Variants in DSP observed in about 807,000 individuals in gnomAD.
The protein encoded by DSP is desmoplakin.
DSP carries 114 observed loss-of-function variants against 290.6 expected under a neutral mutation model. The observed-to-expected ratio is 0.39, with a 90% CI of 0.34 to 0.46. The LOEUF (loss-of-function observed/expected upper bound fraction) is 0.46. DSP is among the 20% of genes least tolerant of loss of function. The pLI, the probability that DSP is intolerant of heterozygous loss-of-function variation, is 0.99. For missense variants in DSP, 3,230 were observed against 3,495.8 expected, an observed-to-expected ratio of 0.92 and a Z score of 1.92; for synonymous variants, 1,311 against 1,316.4, an observed-to-expected ratio of 1.00 and a Z score of 0.09.
Position 7,569,221 on chromosome 6 carries a change from G to A in DSP, c.1455G>A (p.Lys485=), listed in dbSNP as rs1347366138. ...ATAAGGGGGATGAGTGTATCCTGAA[G>A]GACAACAACGAGCGCAGCAAGTGGT... ...IVHKGDECIL[K]DNNERSKWYV... is the part of the protein sequence containing the mutation. Residue 485 remains lysine, a synonymous_variant, in exon 12 of 24, where the codon AAG becomes AAA. Transcript: ENST00000379802. 2.5e-6 allele frequency: 4 copies of A among 1,614,092 alleles called. No homozygotes were observed.
rs777102300 is a variant in DSP, at chr6:7,580,862, C to T, written c.4672C>T (p.Arg1558Trp). ...GACTGTGAAGGACCAGGATATCACG[C>T]GGTTCCAGAACTCTCTGAAAGAGCT... is the stretch of plus-strand genomic sequence containing the variant. ...ERTVKDQDIT[R>W]FQNSLKELQL... Residue 1558 changes from arginine (R) to tryptophan (W), a missense_variant, in exon 23 of 24, where the codon CGG (arginine) becomes TGG (tryptophan). Around this residue, in one of 5 missense-constraint regions of DSP, gnomAD observed 1,714 missense variants for 1,844.5 expected, o/e 0.93. Transcript: ENST00000379802. The surrounding 1 kb of genome is among the most constrained non-coding windows in gnomAD (Gnocchi z 4.2). The T allele has an allele frequency of 5.0e-6, 8 of 1,614,096 alleles. No individual in the cohort carries two copies. Among genetic ancestry groups the T allele is most frequent in the Non-Finnish European group, 6.8e-6 (8 of 1,180,044 alleles).
intron 1 of DSP, among the ~76,000 whole-genome samples, chr6:7,548,359 A>C (rs1486234115): frequency 6.6e-6 from 1 of 152,138 alleles, no homozygotes; most frequent in East Asian, 1.9e-4. Context: ...CCGCCTCTGC[A>C]GTGCCCCTCT....
Position 7,567,351 on chromosome 6 carries a change from C to T in DSP, c.1045-3C>T, listed in dbSNP as rs765077011. On this transcript the variant is annotated splice_polypyrimidine_tract_variant and splice_region_variant and intron_variant, in intron 8 of 23. Transcript: ENST00000379802. The stretch of plus-strand genomic sequence containing the variant: ...TAAGACAGCTGACATTTTCTTGTTT[C>T]AGGCCTATATGGACACTCTGCAGAC... The T allele has an allele frequency of 2.5e-6, 4 of 1,613,448 alleles. No individual in the cohort carries two copies. The highest frequency in any genetic ancestry group is 3.4e-6 in the Non-Finnish European group (4 of 1,179,504).
At chr6:7,573,509 T>C (rs1372956662) in intron 15 of DSP, among the ~76,000 whole-genome samples, 2 of 150,564 alleles carry the variant, frequency 1.3e-5, no homozygotes, top group East Asian at 3.9e-4. Flanking sequence ...ACCCAGGAGA[T>C]GGAGGTTGCA....
At chr6:7,569,486 C>T (rs1263812555) in intron 12 of DSP, 146 bp downstream of exon 12, 3 of 1,200,284 alleles carry the variant, frequency 2.5e-6, no homozygotes, top group African/African-American at 1.5e-5. Context: ...GTGAAGGTCA[C>T]CTTCACTTTG....
At chr6:7,554,125 A>ACACACACACACAC (rs772041102) in intron 1 of DSP, among the ~76,000 whole-genome samples, 2 of 144,400 alleles carry the variant, frequency 1.4e-5, no homozygotes, top group Non-Finnish European at 1.5e-5. Flanking sequence ...ACACACACAC[A>ACACACACACACAC]CCCAGTTGGT....
chr6:7,582,141 TG>T lies in DSP; in HGVS notation c.5380-500del, dbSNP rs1561700437. Among the ~76,000 whole-genome samples the T allele has an allele frequency of 2.1e-4, 3 of 14,232 alleles. No individual in the cohort carries two copies. The highest frequency in any genetic ancestry group is 3.6e-4 in the Non-Finnish European group (3 of 8,438). 9.3% of individuals were successfully genotyped at this position (14,232 alleles called of 152,430 possible). On this transcript the variant is annotated intron_variant, in intron 23 of 23. Coordinates refer to ENST00000379802, the MANE Select transcript of DSP (RefSeq NM_004415.4). This position sits in a 1 kb window ranked among gnomAD's most constrained non-coding sequence, Gnocchi z 4.2. ...CAATATTTGTGTGTGGCTGGGTTGG[TG>T]TGTGTGTGTGTGTGTGTGTGTGTGT...
Position 7,583,197 on chromosome 6 carries a change from C to T in DSP, c.5935C>T (p.Gln1979Ter). The T allele has an allele frequency of 6.2e-7, 1 of 1,614,134 alleles. No homozygotes were observed. The highest frequency in any genetic ancestry group is 2.2e-5 in the East Asian group (1 of 44,874). The change falls in exon 24 of 24, where the codon CAG becomes TAG. Residue 1979 changes from glutamine to a stop codon, truncating the protein, a stop_gained. Transcript: ENST00000379802. LOFTEE classifies it high-confidence loss of function. This position sits in a 1 kb window ranked among gnomAD's most constrained non-coding sequence, Gnocchi z 4.0. ...GCTGAGGAAGAAGGTGACAGCAATGCAGCTCTATGAGTGTCAGCTGATCGA... is the reference window on the plus strand; with the variant it reads ...GCTGAGGAAGAAGGTGACAGCAATGTAGCTCTATGAGTGTCAGCTGATCGA... ...DGLRKKVTAMQLYECQLIDKT... is the reference protein window; with the variant it reads ...DGLRKKVTAM
rs1206306343 is a variant in DSP, at chr6:7,584,632, A to G, written c.7370A>G (p.Gln2457Arg). The G allele has an allele frequency of 6.2e-7, 1 of 1,614,180 alleles. No individual in the cohort carries two copies. The highest frequency in any genetic ancestry group is 8.5e-7 in the Non-Finnish European group (1 of 1,180,032). Residue 2457 changes from glutamine (Q) to arginine (R), a missense_variant, in exon 24 of 24, where the codon CAA becomes CGA. By Grantham distance (43) the Gln-to-Arg change is conservative. Around this residue, in one of 5 missense-constraint regions of DSP, gnomAD observed 582 missense variants for 555.4 expected, o/e 1.05. Coordinates refer to ENST00000379802, the MANE Select transcript of DSP (RefSeq NM_004415.4). This position sits in a 1 kb window ranked among gnomAD's most constrained non-coding sequence, Gnocchi z 6.4. The part of the protein sequence containing the change: ...KEKKKQVQTS[Q>R]KNTLRKRRVV... The stretch of plus-strand genomic sequence containing the variant: ...AAGAAGAAACAGGTGCAGACATCAC[A>G]AAAGAATACCCTCAGGAAGCGTAGA...
chr6:7,567,469 A>C lies in DSP; in HGVS notation c.1140+20A>C. On this transcript the variant is annotated intron_variant, in intron 9 of 23. Coordinates refer to ENST00000379802, the MANE Select transcript of DSP (RefSeq NM_004415.4). The stretch of plus-strand genomic sequence containing the variant: ...TTTCAGGTTTTTATATTTAGTGATA[A>C]TTTTGTTGTTATTTAGGTCTTAATA... 5 of 1,599,518 alleles carry C rather than the reference A, an allele frequency of 3.1e-6. No individual in the cohort carries two copies. The South Asian group carries it at 5.5e-5, about 18-fold the overall frequency.
In DSP at chr6:7,571,397, G is replaced by A. The variant is rs2113678835; in HGVS notation, c.1716G>A (p.Arg572=). 6.2e-7 allele frequency: 1 copy of A among 1,614,138 alleles called. No homozygotes were observed. Among genetic ancestry groups the A allele is most frequent in the Non-Finnish European group, 8.5e-7 (1 of 1,180,038 alleles). The change falls in exon 14 of 24, where the codon CGG becomes CGA. Residue 572 remains arginine (R), a synonymous_variant. Transcript: ENST00000379802. ...TCTCCTTTCAGCTGAAAACAATGCGGCAGGAAGATTACATGAAGACGATAG... is the reference window on the plus strand; with the variant it reads ...TCTCCTTTCAGCTGAAAACAATGCGACAGGAAGATTACATGAAGACGATAG... ...AMTIAKLKTM[R]QEDYMKTIAD... is the part of the protein sequence containing the mutation.
chr6:7,542,022 G>A lies in DSP; in HGVS notation c.107G>A (p.Gly36Asp). Residue 36 changes from glycine (G) to aspartate (D), a missense_variant, in exon 1 of 24, where the codon GGC becomes GAC. By Grantham distance (94) the Gly-to-Asp change is moderately conservative (BLOSUM62 -1). Transcript: ENST00000379802. ...TACGAGGTGACCAGCGGCGGCGGGG[G>A]CACCAGCAGGATGTACTATTCTCGG... Reference protein sequence around the residue: ...LRYEVTSGGGGTSRMYYSRRG... With the variant: ...LRYEVTSGGGDTSRMYYSRRG... The A allele has an allele frequency of 1.3e-6, 2 of 1,583,258 alleles. No individual in the cohort carries two copies. Among genetic ancestry groups the A allele is most frequent in the Non-Finnish European group, 8.6e-7 (1 of 1,165,614 alleles).
chr6:7,574,387 A>AGCATGTTAATTCCGCTAGCCTC (rs1409721242), intron 16 of DSP, 135 bp downstream of exon 16: 2 of 999,078 alleles, frequency 2.0e-6, no homozygotes, highest in East Asian at 5.0e-5. Context: ...TGGTTTGGAG[A>AGCATGTTAATTCCGCTAGCCTC]GCATGTTAAT....
intron 1 of DSP, among the ~76,000 whole-genome samples, chr6:7,545,494 C>T (rs898387794): frequency 1.1e-4 from 17 of 152,176 alleles, no homozygotes; most frequent in Admixed American, 1.0e-3. Context: ...AATGGACAGG[C>T]CTGTAATTAC....
intron 14 of DSP, 120 bp from the exon 15 acceptor site, chr6:7,571,722 A>G: frequency 6.6e-7 from 1 of 1,507,230 alleles, no homozygotes. Context: ...AATTTTCAGA[A>G]TTGATTCTGA....
At chr6:7,573,984 ACTGTGT>A in intron 15 of DSP, 96 bp from the exon 16 acceptor site, 1 of 1,222,100 alleles carries the variant, frequency 8.2e-7, no homozygotes, top group Non-Finnish European at 1.2e-6. Context: ...TAATCATTTC[ACTGTGT>A]CTATGTGTAT....
intron 1 of DSP, among the ~76,000 whole-genome samples, chr6:7,547,752 C>G (rs985590931): frequency 1.3e-5 from 2 of 152,030 alleles, no homozygotes; most frequent in African/African-American, 4.8e-5. Flanking sequence ...ATTTTCTTAC[C>G]CTCAATAAGT....
At chr6:7,550,897 A>G (rs1426711148) in intron 1 of DSP, among the ~76,000 whole-genome samples, 1 of 152,040 alleles carries the variant, frequency 6.6e-6, no homozygotes, top group Admixed American at 6.5e-5. Flanking sequence ...AATTCCTAAC[A>G]TGATTTGAAA....
chr6:7,546,427 T>A (rs1462729375), intron 1 of DSP, among the ~76,000 whole-genome samples: 1 of 152,246 alleles, frequency 6.6e-6, no homozygotes, highest in Non-Finnish European at 1.5e-5. Flanking sequence ...TTAATAATAG[T>A]TACCATTACC....
Sources: allele counts gnomAD v4.1 joint callset (sites outside exome capture counted in the v4.1 genomes callset), GRCh38; gene constraint gnomAD v4.1.1; regional missense constraint gnomAD v4.1.1; non-coding constraint Gnocchi (gnomAD v3.1); transcripts MANE v1.5; gene names NCBI Gene and HGNC (gene_info 2026-07-23, HGNC 2026-07-21).